The following SAMD13 variants were observed in gnomAD, a reference collection of about 807,000 sequenced individuals.
SAMD13 encodes the protein sterile alpha motif domain containing 13.
In SAMD13, 9 loss-of-function variants were observed where a neutral mutation model predicts 12.4. The observed-to-expected ratio is 0.72, with a 90% CI of 0.44 to 1.26. SAMD13 has a LOEUF of 1.26. Ranked by LOEUF, SAMD13 falls within the 50% of genes most tolerant of loss-of-function variation. SAMD13 has a pLI of 0.00. For missense variants in SAMD13, 84 were observed against 119.6 expected, an observed-to-expected ratio of 0.70 and a Z score of 1.39; for synonymous variants, 46 against 45.4, an observed-to-expected ratio of 1.01 and a Z score of -0.05.
At chr1:84,302,573 CACA>C in intron 1 of SAMD13, 1 of 623,438 alleles carries the variant, frequency 1.6e-6, no homozygotes, top group African/African-American at 2.0e-5. Flanking sequence ...CACACACACA[CACA>C]CCAGCACCAC....
chr1:84,301,722 CTT>C lies in SAMD13; in HGVS notation c.-110_-109del. On this transcript the variant is annotated 5_prime_UTR_variant, in exon 1 of 4. Coordinates refer to ENST00000394834, the MANE Select transcript of SAMD13 (RefSeq NM_001134663.2). ...CTTATTGAATTCCTTTGCCAGCCTA[CTT>C]TGTGAAAGAAAACATTGGGGTTTCT... 1 of 985,322 alleles carries C rather than the reference CTT, an allele frequency of 1.0e-6. No homozygotes were observed. The highest frequency in any genetic ancestry group is 1.2e-6 in the Non-Finnish European group (1 of 829,896). 61.0% of individuals were successfully genotyped at this position (985,322 alleles called of 1,614,324 possible).
rs531287290 is a variant in SAMD13 at position 84,345,088 on chromosome 1, C to A, written c.166-4543C>A. On this transcript the variant is annotated intron_variant, in intron 3 of 3. Transcript: ENST00000394834. ...ACTTTTTTATCTCTGGGCTCCAGAG[C>A]AAGTACCTCTACCTCTGAGACATTT... The A allele has an allele frequency of 1.1e-5, 5 of 456,662 alleles. No homozygotes were observed. The East Asian group carries it at 2.8e-4, about 25-fold the overall frequency. 28.3% of individuals were successfully genotyped at this position (456,662 alleles called of 1,614,324 possible).
chr1:84,316,804 C>G (rs1678845036), intron 2 of SAMD13, among the ~76,000 whole-genome samples: 1 of 151,928 alleles, frequency 6.6e-6, no homozygotes, highest in South Asian at 2.1e-4. Flanking sequence ...TGCTTTGGGT[C>G]ATATGGAAAT....
chr1:84,343,825 A>ACCTGCACAT (rs1679476989), intron 3 of SAMD13, among the ~76,000 whole-genome samples: 1 of 152,182 alleles, frequency 6.6e-6, no homozygotes, highest in Non-Finnish European at 1.5e-5. Flanking sequence ...TATGTAACAA[A>ACCTGCACAT]CCTGCACATC....
upstream of SAMD13, among the ~76,000 whole-genome samples, chr1:84,300,942 C>G (rs138665811): frequency 6.4e-4 from 98 of 152,230 alleles, no homozygotes; most frequent in African/African-American, 2.3e-3. Context: ...GGTTAAATTT[C>G]TTGAATTATG....
upstream of SAMD13, chr1:84,301,628 G>C (rs1054895215): frequency 1.0e-6 from 1 of 985,294 alleles, no homozygotes; most frequent in African/African-American, 1.7e-5. Flanking sequence ...TGCAGCTTGT[G>C]TGTGATTCCT....
intron 1 of SAMD13, chr1:84,302,539 CAT>C (rs111409863): frequency 2.6e-4 from 71 of 273,666 alleles, no homozygotes; most frequent in African/African-American, 2.1e-3. Flanking sequence ...CTTTCTTACA[CAT>C]ACACACACAC....
upstream of SAMD13, among the ~76,000 whole-genome samples, chr1:84,299,131 G>A (rs908732974): frequency 2.0e-5 from 3 of 152,046 alleles, no homozygotes; most frequent in African/African-American, 7.2e-5. Context: ...GGTCGGCCCT[G>A]CCCTCGGGCG....
chr1:84,322,624 AT>A (rs921633430), intron 2 of SAMD13, among the ~76,000 whole-genome samples: 3 of 151,956 alleles, frequency 2.0e-5, no homozygotes, highest in East Asian at 1.9e-4. Context: ...GTCTAATGTG[AT>A]TTTTTTCCTG....
intron 2 of SAMD13, among the ~76,000 whole-genome samples, chr1:84,314,131 A>G (rs1464928849): frequency 6.6e-6 from 1 of 152,172 alleles, no homozygotes; most frequent in African/African-American, 2.4e-5. Context: ...AAGAACTTGT[A>G]TAAAACATTG....
chr1:84,322,274 T>A (rs1296381605), intron 2 of SAMD13, among the ~76,000 whole-genome samples: 1 of 152,054 alleles, frequency 6.6e-6, no homozygotes, highest in Non-Finnish European at 1.5e-5. Flanking sequence ...TTAATAAATA[T>A]CTGTTGTGTC....
chr1:84,309,109 T>C (rs1678650518), intron 2 of SAMD13, among the ~76,000 whole-genome samples: 1 of 152,158 alleles, frequency 6.6e-6, no homozygotes, highest in African/African-American at 2.4e-5. Context: ...TATTGCAAAC[T>C]TTTTTTCAAG....
chr1:84,334,518 TG>T (rs1679255597), intron 3 of SAMD13, among the ~76,000 whole-genome samples: 1 of 152,096 alleles, frequency 6.6e-6, no homozygotes, highest in Non-Finnish European at 1.5e-5. Context: ...CCCCTCGATT[TG>T]TTCATCTTTT....
chr1:84,299,611 G>A (rs1006012256), upstream of SAMD13: 7 of 1,516,456 alleles, frequency 4.6e-6, no homozygotes, highest in East Asian at 2.5e-5. Context: ...TATCAGCAGA[G>A]GATTGATGGC....
chr1:84,299,596 CTTT>C, upstream of SAMD13: 1 of 1,516,566 alleles, frequency 6.6e-7, no homozygotes, highest in Non-Finnish European at 8.9e-7. Context: ...ACACACACAA[CTTT>C]TTATCAGCAG....
intron 1 of SAMD13, chr1:84,302,888 A>G (rs533480717): frequency 2.1e-5 from 5 of 238,260 alleles, no homozygotes; most frequent in Admixed American, 4.9e-5. Flanking sequence ...CAGTGTCTTA[A>G]GTGAGAGCTA....
intron 2 of SAMD13, among the ~76,000 whole-genome samples, chr1:84,317,591 G>GGTTTAACATACTGTT: frequency 6.6e-6 from 1 of 151,822 alleles, no homozygotes; most frequent in African/African-American, 2.4e-5. Context: ...TGTTGAATTC[G>GGTTTAACATACTGTT]GTTTGCTGGT....
At chr1:84,336,110 A>G (rs956068840) in intron 3 of SAMD13, among the ~76,000 whole-genome samples, 2 of 152,160 alleles carry the variant, frequency 1.3e-5, no homozygotes, top group Non-Finnish European at 2.9e-5. Context: ...AGGTTGGGGA[A>G]ACTTTCACGG....
At chr1:84,330,776 C>G (rs555748073) in intron 3 of SAMD13, among the ~76,000 whole-genome samples, 2 of 152,138 alleles carry the variant, frequency 1.3e-5, no homozygotes, top group Non-Finnish European at 2.9e-5. Flanking sequence ...AGATGGAAGA[C>G]AGATCTGCCA....
Sources: gnomAD v4.1 joint callset for allele counts (sites outside exome capture counted in the v4.1 genomes callset) on GRCh38, gnomAD v4.1.1 for gene constraint, MANE v1.5 for transcripts, NCBI Gene and HGNC (gene_info 2026-07-23, HGNC 2026-07-21) for gene names.